Variants in GSDMC observed in about 807,000 individuals in gnomAD.
GSDMC encodes gasdermin C, also known as gasdermin-C.
A neutral mutation model predicts 58.0 loss-of-function variants in GSDMC; 59 were observed. The observed-to-expected ratio is 1.02, with a 90% confidence interval of 0.82 to 1.26. The LOEUF (loss-of-function observed/expected upper bound fraction) is 1.26. Among genes scored for constraint, GSDMC ranks in the 50% most tolerant of loss-of-function variants. The probability of loss-of-function intolerance (pLI) is 0.00; values close to 1 mark genes in which losing one functional copy is unlikely to be tolerated. For missense variants in GSDMC, 659 were observed against 598.5 expected (o/e 1.10, Z -1.06); for synonymous variants, 241 against 220.2 (o/e 1.09, Z -0.83).
At chr8:129,782,318 A>G (rs1294408116) in intron 1 of GSDMC, among the ~76,000 whole-genome samples, 1 of 152,210 alleles carries the variant, frequency 6.6e-6, no homozygotes, top group Non-Finnish European at 1.5e-5. Flanking sequence ...GAAAACCAAG[A>G]GCAGCCCAAA....
At chr8:129,743,673 A>T (rs1361446947), downstream of GSDMC, among the ~76,000 whole-genome samples, 1 of 152,182 alleles carries the variant, frequency 6.6e-6, no homozygotes, top group East Asian at 1.9e-4. Context: ...ATTTTGTTGT[A>T]TTCCTTTAAG....
chr8:129,776,444 G>A (rs111394422), intron 2 of GSDMC, among the ~76,000 whole-genome samples, 159 bp from the exon 3 acceptor site: 22 of 152,322 alleles, frequency 1.4e-4, no homozygotes, highest in African/African-American at 4.8e-4. Context: ...ATCCATTAAT[G>A]TTTGAATGTA....
intron 3 of GSDMC, among the ~76,000 whole-genome samples, chr8:129,774,834 A>G (rs1248351812): frequency 6.6e-6 from 1 of 152,224 alleles, no homozygotes; most frequent in East Asian, 1.9e-4. Flanking sequence ...AATTGTGCTC[A>G]AAATTACTTA....
chr8:129,770,187 A>C (rs2034002010), intron 3 of GSDMC, among the ~76,000 whole-genome samples: 1 of 152,242 alleles, frequency 6.6e-6, no homozygotes, highest in Non-Finnish European at 1.5e-5. Context: ...TTATGCAATC[A>C]AAATTAAGCT....
At chr8:129,781,898 C>A (rs1339795619) in intron 1 of GSDMC, among the ~76,000 whole-genome samples, 1 of 152,080 alleles carries the variant, frequency 6.6e-6, no homozygotes, top group African/African-American at 2.4e-5. Flanking sequence ...ACATTTTATC[C>A]AATGGATGCA....
the GSDMC span, chr8:129,729,163 A>G: frequency 1.5e-6 from 1 of 668,800 alleles, no homozygotes; most frequent in Middle Eastern, 4.3e-4. Context: ...TGTTTACTTC[A>G]GAGATATTTG....
At chr8:129,745,380 G>T (rs922210195), downstream of GSDMC, among the ~76,000 whole-genome samples, 1 of 151,934 alleles carries the variant, frequency 6.6e-6, no homozygotes, top group Non-Finnish European at 1.5e-5. Flanking sequence ...CTAGGGATTC[G>T]TCTCTGGAAC....
intron 3 of GSDMC, among the ~76,000 whole-genome samples, chr8:129,768,201 A>G (rs1283537479): frequency 6.6e-6 from 1 of 152,204 alleles, no homozygotes; most frequent in East Asian, 1.9e-4. Context: ...CTAACAGCCA[A>G]TCCATCTAGA....
chr8:129,733,566 G>A, the GSDMC span, among the ~76,000 whole-genome samples: 2 of 152,224 alleles, frequency 1.3e-5, no homozygotes, highest in Non-Finnish European at 2.9e-5. Context: ...CAACAGACCT[G>A]CAGCTGAGGG....
chr8:129,761,505 G>A (rs1434359883), intron 5 of GSDMC, among the ~76,000 whole-genome samples: 2 of 152,164 alleles, frequency 1.3e-5, no homozygotes, highest in East Asian at 3.8e-4. Context: ...ATATTGACCT[G>A]ATTCTATCTG....
chr8:129,753,043 G>C (rs1368725634), intron 6 of GSDMC, among the ~76,000 whole-genome samples: 1 of 152,148 alleles, frequency 6.6e-6, no homozygotes, highest in South Asian at 2.1e-4. Flanking sequence ...TGGAGTCCTA[G>C]GTAAACTTAA....
the GSDMC span, among the ~76,000 whole-genome samples, chr8:129,721,685 C>T: frequency 6.6e-6 from 1 of 152,164 alleles, no homozygotes; most frequent in East Asian, 1.9e-4. Flanking sequence ...AAATATCACT[C>T]TCCATATTAC....
At chr8:129,780,228 T>C (rs924732113) in intron 1 of GSDMC, among the ~76,000 whole-genome samples, 8 of 152,136 alleles carry the variant, frequency 5.3e-5, no homozygotes, top group African/African-American at 1.9e-4. Flanking sequence ...AGAAAGTTTA[T>C]GCAAAGGGAG....
intron 12 of GSDMC, 78 bp downstream of exon 12, chr8:129,749,912 C>T: frequency 2.5e-6 from 3 of 1,193,112 alleles, no homozygotes; most frequent in East Asian, 2.4e-5. Context: ...TTTGGAGACA[C>T]AGCATCTAAC....
At chr8:129,719,344 T>A in the GSDMC span, among the ~76,000 whole-genome samples, 1 of 152,222 alleles carries the variant, frequency 6.6e-6, no homozygotes, top group East Asian at 1.9e-4. Flanking sequence ...AATGTTTATG[T>A]ACCTAATAAT....
chr8:129,769,918 AAT>A (rs147260857), intron 3 of GSDMC, among the ~76,000 whole-genome samples: 2,773 of 152,330 alleles, frequency 0.018, 43 homozygotes, highest in Non-Finnish European at 0.029. Flanking sequence ...TTGAAATGAA[AAT>A]ATGTTAATTA....
intron 10 of GSDMC, among the ~76,000 whole-genome samples, chr8:129,751,323 G>C (rs1481754323): frequency 6.6e-6 from 1 of 152,140 alleles, no homozygotes; most frequent in Non-Finnish European, 1.5e-5. Flanking sequence ...GCTCCAAAGA[G>C]GCAAGAATTT....
chr8:129,709,922 G>A, the GSDMC span, among the ~76,000 whole-genome samples: 1 of 152,166 alleles, frequency 6.6e-6, no homozygotes, highest in Non-Finnish European at 1.5e-5. Flanking sequence ...CTTTATTGTG[G>A]TGTTCTTTGA....
At chr8:129,710,461 A>G in the GSDMC span, among the ~76,000 whole-genome samples, 1 of 152,154 alleles carries the variant, frequency 6.6e-6, no homozygotes, top group Non-Finnish European at 1.5e-5. Flanking sequence ...TGCTAATGGG[A>G]TCATAAAAGA....
Sources: gnomAD v4.1 joint callset for allele counts (sites outside exome capture counted in the v4.1 genomes callset) on GRCh38, gnomAD v4.1.1 for gene constraint, MANE v1.5 for transcripts, NCBI Gene and HGNC (gene_info 2026-07-23, HGNC 2026-07-21) for gene names.